PNKP: variants seen among roughly 807,000 people sequenced by gnomAD.
PNKP encodes polynucleotide kinase 3'-phosphatase.
In PNKP, 82 loss-of-function variants were observed where a neutral mutation model predicts 66.2. That is an observed-to-expected ratio of 1.24 (90% CI 1.04 to 1.49). The LOEUF (loss-of-function observed/expected upper bound fraction) is 1.49, where lower values mean the gene tolerates loss of function less well. Among genes scored for constraint, PNKP ranks in the 40% most tolerant of loss-of-function variants. PNKP has a pLI of 0.00. For synonymous variants in PNKP, 412 were observed against 298.9 expected (o/e 1.38, Z -3.90); for missense variants, 907 against 706.8 (o/e 1.28, Z -3.21).
chr19:49,867,361 G>A (rs1158173353), intron 1 of PNKP, 108 bp downstream of exon 1: 2 of 851,174 alleles, frequency 2.3e-6, no homozygotes, highest in Non-Finnish European at 3.6e-6. Context: ...GGGTCGACCC[G>A]TTTCCCAGGC....
At chr19:49,864,942 G>GTTAC (rs1486626421) in intron 4 of PNKP, among the ~76,000 whole-genome samples, 185 bp downstream of exon 4, 1 of 152,160 alleles carries the variant, frequency 6.6e-6, no homozygotes, top group Non-Finnish European at 1.5e-5. Flanking sequence ...GGTCACTGTG[G>GTTAC]GTAACGCAGG....
intron 2 of PNKP, chr19:49,866,803 G>A (rs2074823900): frequency 3.3e-6 from 2 of 600,858 alleles, no homozygotes; most frequent in Admixed American, 5.9e-5. Context: ...CCTGTTTCTG[G>A]ATTTCCCGAT....
chr19:49,862,100 TC>T lies in PNKP; in HGVS notation c.1131del (p.Lys378SerfsTer17). 1 of 1,614,016 alleles carries T rather than the reference TC, an allele frequency of 6.2e-7. No homozygotes were observed. Among genetic ancestry groups the T allele is most frequent in the Non-Finnish European group, 8.5e-7 (1 of 1,179,966 alleles). ...VVVAVGFPGA[G>X]KSTFLKKHLV... is the part of the protein sequence containing the mutation. ...AGGTGCTTCTTGAGAAAGGTGGACT[TC>T]CCGGCTGTGTGGGGGGCAGTGTCGG... On this transcript the variant is annotated frameshift_variant, in exon 13 of 17. Coordinates refer to ENST00000322344, the MANE Select transcript of PNKP (RefSeq NM_007254.4). LOFTEE classifies it high-confidence loss of function.
chr19:49,865,192 GGTTTGACT>G lies in PNKP; in HGVS notation c.425_432del (p.Lys142ThrfsTer27). ...AACTTCTCCAAGTTCTCCCAGCCGG[GGTTTGACT>G]TCCGCATACGCTTCTTCGGCAGCTC... On this transcript the variant is annotated frameshift_variant, in exon 4 of 17. Coordinates refer to ENST00000322344, the MANE Select transcript of PNKP (RefSeq NM_007254.4). LOFTEE classifies it high-confidence loss of function. 1 of 1,614,212 alleles carries G rather than the reference GGTTTGACT, an allele frequency of 6.2e-7. No homozygotes were observed. The highest frequency in any genetic ancestry group is 8.5e-7 in the Non-Finnish European group (1 of 1,180,042).
chr19:49,864,227 G>A lies in PNKP; in HGVS notation c.588C>T (p.Tyr196=), dbSNP rs745459391. The A allele has an allele frequency of 3.7e-6, 6 of 1,614,180 alleles. No individual in the cohort carries two copies. Among genetic ancestry groups the A allele is most frequent in the Admixed American group, 1.7e-5 (1 of 60,022 alleles). The change falls in exon 6 of 17, where the codon TAC becomes TAT. Residue 196 remains tyrosine (Y), a synonymous_variant. Coordinates refer to ENST00000322344, the MANE Select transcript of PNKP (RefSeq NM_007254.4). ...PTGPSDWRIL[Y]PEIPRKLREL... is the part of the protein sequence containing the mutation. ...CTCGGAGCTTACGGGGAATCTCTGGGTACAAGATCCTACGGCAGGTATGAA... is the reference window on the plus strand; with the variant it reads ...CTCGGAGCTTACGGGGAATCTCTGGATACAAGATCCTACGGCAGGTATGAA...
chr19:49,861,796 T>C lies in PNKP; in HGVS notation c.1274A>G (p.Asn425Ser), dbSNP rs541840060. 22 of 1,566,366 alleles carry C rather than the reference T, an allele frequency of 1.4e-5. No individual in the cohort carries two copies. The highest frequency in any genetic ancestry group is 1.9e-5 in the Admixed American group (1 of 52,580). Residue 425 changes from asparagine (N) to serine (S), a missense_variant, in exon 14 of 17, where the codon AAC (asparagine) becomes AGC (serine). By Grantham distance (46) the Asn-to-Ser change is conservative. Transcript: ENST00000322344. ...QGKRVAIDNT[N>S]PDAASRARYV... ...CCTGGCGCGGCTCGCGGCGTCTGGG[T>C]TTGTGTTGTCGATGGCGACCCGTTT...
At chr19:49,862,157 G>C in intron 12 of PNKP, 28 bp downstream of exon 12, 1 of 1,613,638 alleles carries the variant, frequency 6.2e-7, no homozygotes, top group South Asian at 1.1e-5. Flanking sequence ...CGGGGCTCAG[G>C]GCACGCGCAC....
In PNKP at chr19:49,861,897, G is replaced by A. The variant is rs1333764045; in HGVS notation, c.1189-16C>T. ...CTAGCGTGTCCTGGGGACACGAGAGGTCACAAACAGATCGGCAGACCCAGG... is the reference window on the plus strand; with the variant it reads ...CTAGCGTGTCCTGGGGACACGAGAGATCACAAACAGATCGGCAGACCCAGG... On this transcript the variant is annotated splice_polypyrimidine_tract_variant and intron_variant, in intron 13 of 16. Coordinates refer to ENST00000322344, the MANE Select transcript of PNKP (RefSeq NM_007254.4). 6 of 1,584,816 alleles carry A rather than the reference G, an allele frequency of 3.8e-6. No individual in the cohort carries two copies. The highest frequency in any genetic ancestry group is 2.3e-5 in the East Asian group (1 of 43,646).
At chr19:49,863,586 G>A (rs1447652012) in intron 8 of PNKP, 103 bp downstream of exon 8, 1 of 796,606 alleles carries the variant, frequency 1.3e-6, no homozygotes, top group South Asian at 1.5e-5. Context: ...GGGAGCGAGA[G>A]AGGACAGAGG....
rs762447921 is a variant in PNKP, at chr19:49,861,459, A to G, written c.1438T>C (p.Tyr480His). The G allele has an allele frequency of 1.2e-6, 2 of 1,613,858 alleles. No individual in the cohort carries two copies. The highest frequency in any genetic ancestry group is 1.3e-5 in the African/African-American group (1 of 74,944). ...TATCCCCAACAGTACCTGTAGCCAT[A>G]CATGACCATGTCTGACACGGGGATA... ...SHIPVSDMVM[Y>H]GYRKQFEAPT... The change falls in exon 16 of 17, where the codon TAT (tyrosine) becomes CAT (histidine). Residue 480 changes from tyrosine to histidine, a missense_variant. Transcript: ENST00000322344.
intron 2 of PNKP, 137 bp downstream of exon 2, chr19:49,866,917 C>T (rs2074824579): frequency 1.2e-6 from 1 of 856,400 alleles, no homozygotes; most frequent in Non-Finnish European, 2.0e-6. Flanking sequence ...ACTTTATCTT[C>T]CTGTACTCCC....
rs2074774198 is a variant in PNKP at position 49,862,074 on chromosome 19, G to GAGGTGCTTCTTGAGAA, written c.1142_1157dup (p.Val387SerfsTer29). On this transcript the variant is annotated frameshift_variant, in exon 13 of 17. Transcript: ENST00000322344. LOFTEE classifies it high-confidence loss of function. ...TCACGTGGACATATCCGGCCGACAC[G>GAGGTGCTTCTTGAGAA]AGGTGCTTCTTGAGAAAGGTGGACT... 6.2e-7 allele frequency: 1 copy of GAGGTGCTTCTTGAGAA among 1,614,166 alleles called. No homozygotes were observed. Among genetic ancestry groups the GAGGTGCTTCTTGAGAA allele is most frequent in the East Asian group, 2.2e-5 (1 of 44,870 alleles).
At position 49,867,471 on chromosome 19, in the gene PNKP, G is replaced by A; in HGVS notation, c.-16C>T. ...CCTCCGCCCCGCCCCGTACTCACCCGGGACCGCGGCTTGGGCTCACGGCCA... is the reference window on the plus strand; with the variant it reads ...CCTCCGCCCCGCCCCGTACTCACCCAGGACCGCGGCTTGGGCTCACGGCCA... On this transcript the variant is annotated splice_region_variant and 5_prime_UTR_variant, in exon 1 of 17. Transcript: ENST00000322344. The A allele has an allele frequency of 5.7e-6, 3 of 526,916 alleles. No homozygotes were observed. Among genetic ancestry groups the A allele is most frequent in the East Asian group, 3.3e-5 (1 of 30,568 alleles). 32.6% of individuals were successfully genotyped at this position (526,916 alleles called of 1,614,324 possible). A position where few individuals can be genotyped will look rare whatever the true frequency, so the allele number is the denominator to read the frequency against.
At position 49,861,788 on chromosome 19, in the gene PNKP, C is replaced by T. The variant is rs1568659088; in HGVS notation, c.1282G>A (p.Ala428Thr). ...RVAIDNTNPD[A>T]ASRARYVQCA... is the part of the protein sequence containing the mutation. Reference sequence around the variant, plus strand: ...TCACGCTACCTGGCGCGGCTCGCGGCGTCTGGGTTTGTGTTGTCGATGGCG... The same window carrying T: ...TCACGCTACCTGGCGCGGCTCGCGGTGTCTGGGTTTGTGTTGTCGATGGCG... The change falls in exon 14 of 17, where the codon GCC becomes ACC. Residue 428 changes from alanine (A) to threonine (T), a missense_variant. Coordinates refer to ENST00000322344, the MANE Select transcript of PNKP (RefSeq NM_007254.4). The T allele has an allele frequency of 2.4e-5, 37 of 1,565,882 alleles. No individual in the cohort carries two copies. Among genetic ancestry groups the T allele is most frequent in the Non-Finnish European group, 2.8e-5 (32 of 1,159,232 alleles).
chr19:49,863,838 G>T, intron 7 of PNKP, 78 bp from the exon 8 acceptor site: 1 of 1,414,738 alleles, frequency 7.1e-7, no homozygotes, highest in Non-Finnish European at 9.8e-7. Flanking sequence ...AGAATTTGTA[G>T]CTGATGATGG....
chr19:49,861,700 G>A lies in PNKP; in HGVS notation c.1299-5C>T, dbSNP rs1057522419. 6 of 1,548,202 alleles carry A rather than the reference G, an allele frequency of 3.9e-6. No individual in the cohort carries two copies. Among genetic ancestry groups the A allele is most frequent in the Admixed American group, 3.9e-5 (2 of 50,966 alleles). On this transcript the variant is annotated splice_polypyrimidine_tract_variant and splice_region_variant and intron_variant, in intron 14 of 16. Transcript: ENST00000322344. ...GCTCGGGCACACTGGACGTACCTGT[G>A]GGGGAAGGAGCTGGATGTGCAGGCC...
Position 49,861,835 on chromosome 19 carries a change from G to T in PNKP, c.1235C>A (p.Ala412Asp). 6.3e-7 allele frequency: 1 copy of T among 1,592,670 alleles called. No individual in the cohort carries two copies. Among genetic ancestry groups the T allele is most frequent in the Non-Finnish European group, 8.5e-7 (1 of 1,172,382 alleles). ...WQRCVTTCET[A>D]LKQGKRVAID... is the part of the protein sequence containing the mutation. Reference sequence around the variant, plus strand: ...GGCGACCCGTTTCCCTTGCTTCAGGGCTGTCTCACACGTGGTCACACAGCG... The same window carrying T: ...GGCGACCCGTTTCCCTTGCTTCAGGTCTGTCTCACACGTGGTCACACAGCG... The change falls in exon 14 of 17, where the codon GCC (alanine) becomes GAC (aspartate). Residue 412 changes from alanine (A) to aspartate (D), a missense_variant. Ala to Asp is a moderately radical substitution (Grantham distance 126). Transcript: ENST00000322344.
chr19:49,864,119 G>T, intron 6 of PNKP, 48 bp from the exon 7 acceptor site: 1 of 1,611,300 alleles, frequency 6.2e-7, no homozygotes, highest in Non-Finnish European at 8.5e-7. Flanking sequence ...CAGGGCCTTG[G>T]TCTGACTGCG....
rs935806060 is a variant in PNKP at position 49,862,966 on chromosome 19, G to T, written c.817-228C>A. On this transcript the variant is annotated intron_variant, in intron 8 of 16. Transcript: ENST00000322344. ...AGGTCTCCCGACTTCACCTCCTCCC[G>T]TTCCCCACGCGGCCACCGGAGGGCA... 3.1e-5 allele frequency: 20 copies of T among 636,604 alleles called. No individual in the cohort carries two copies. In the South Asian group the frequency reaches 3.5e-4, roughly 11 times the overall value. The allele number at this position is 636,604 out of a possible 1,614,324, so 39.4% of individuals were successfully genotyped here.
Sources: allele counts gnomAD v4.1 joint callset (sites outside exome capture counted in the v4.1 genomes callset), GRCh38; gene constraint gnomAD v4.1.1; transcripts MANE v1.5; gene names NCBI Gene and HGNC (gene_info 2026-07-23, HGNC 2026-07-21).